Variants in SGPL1 observed in about 807,000 individuals in gnomAD.
SGPL1 encodes sphingosine-1-phosphate lyase 1.
A neutral mutation model predicts 68.9 loss-of-function variants in SGPL1; 37 were observed. That is an observed-to-expected ratio of 0.54 (90% CI 0.41 to 0.71). The LOEUF (loss-of-function observed/expected upper bound fraction) is 0.71. Among genes scored for constraint, SGPL1 ranks in the 30% least tolerant of loss-of-function variants. SGPL1 has a pLI of 0.00. For missense variants in SGPL1, 551 were observed against 704.6 expected, an observed-to-expected ratio of 0.78 and a Z score of 2.47; for synonymous variants, 236 against 248.5, an observed-to-expected ratio of 0.95 and a Z score of 0.47.
intron 12 of SGPL1, among the ~76,000 whole-genome samples, chr10:70,874,735 ATAAATAAAAATAAAAAT>A (rs1327852065): frequency 6.6e-6 from 1 of 152,124 alleles, no homozygotes; most frequent in African/African-American, 2.4e-5. Flanking sequence ...AAAATAAAAA[ATAAATAAAAATAAAAAT>A]TAGCCACATG....
In SGPL1 at chr10:70,816,919, T is replaced by C. The variant is rs758573425; in HGVS notation, c.27+39T>C. 5 of 1,607,392 alleles carry C rather than the reference T, an allele frequency of 3.1e-6. No homozygotes were observed. The Admixed American group carries it at 8.3e-5, about 27-fold the overall frequency. On this transcript the variant is annotated intron_variant, in intron 2 of 14. Transcript: ENST00000373202. ...AGACATCCTCCTGGTTCCAAGGCATTTGTCTCCGTTTTTTTAGTCCAAAGG... is the reference window on the plus strand; with the variant it reads ...AGACATCCTCCTGGTTCCAAGGCATCTGTCTCCGTTTTTTTAGTCCAAAGG...
intron 2 of SGPL1, among the ~76,000 whole-genome samples, chr10:70,817,720 T>G (rs1845261627): frequency 6.6e-6 from 1 of 152,238 alleles, no homozygotes; most frequent in Admixed American, 6.5e-5. Flanking sequence ...ATCTGAGTGT[T>G]TGTCTTCCAG....
chr10:70,866,386 C>CAAAAAAAA, intron 7 of SGPL1: 1 of 145,752 alleles, frequency 6.9e-6, no homozygotes. Flanking sequence ...GACCCCATCT[C>CAAAAAAAA]AAAAAAAAAC....
At chr10:70,822,880 A>G (rs1460142239) in intron 2 of SGPL1, among the ~76,000 whole-genome samples, 3 of 151,780 alleles carry the variant, frequency 2.0e-5, no homozygotes, top group East Asian at 3.9e-4. Context: ...AAGAAACACA[A>G]TTGAACTTAC....
intron 7 of SGPL1, 70 bp from the exon 8 acceptor site, chr10:70,868,275 C>G: frequency 9.5e-7 from 1 of 1,055,076 alleles, no homozygotes; most frequent in Non-Finnish European, 1.4e-6. Flanking sequence ...CAAACATTGT[C>G]AAGATCAGGG....
At chr10:70,844,928 TG>T (rs1845768906) in intron 3 of SGPL1, among the ~76,000 whole-genome samples, 1 of 151,924 alleles carries the variant, frequency 6.6e-6, no homozygotes, top group Non-Finnish European at 1.5e-5. Context: ...TTAGTGGAGA[TG>T]GGGTTTCACC....
intron 2 of SGPL1, among the ~76,000 whole-genome samples, chr10:70,829,461 T>C (rs952511643): frequency 3.3e-5 from 5 of 152,244 alleles, no homozygotes; most frequent in Non-Finnish European, 7.3e-5. Context: ...ATGTTTATCA[T>C]TGGATAATTC....
chr10:70,870,007 C>A, intron 9 of SGPL1, 110 bp downstream of exon 9: 1 of 757,928 alleles, frequency 1.3e-6, no homozygotes, highest in Non-Finnish European at 2.2e-6. Context: ...TTGATTGTGG[C>A]AGCCAGAATA....
intron 1 of SGPL1, among the ~76,000 whole-genome samples, 160 bp downstream of exon 1, chr10:70,816,286 A>G (rs1845226304): frequency 7.1e-6 from 1 of 140,390 alleles, no homozygotes; most frequent in Admixed American, 7.4e-5. Flanking sequence ...CGTGGGCACC[A>G]GCCGCTGAGG....
chr10:70,856,452 C>T (rs995851576), intron 5 of SGPL1, among the ~76,000 whole-genome samples: 7 of 152,206 alleles, frequency 4.6e-5, no homozygotes, highest in Admixed American at 6.5e-5. Flanking sequence ...GACCTGGTTG[C>T]CGCCATCATA....
chr10:70,867,703 T>C (rs1051388746), intron 7 of SGPL1, among the ~76,000 whole-genome samples: 13 of 152,168 alleles, frequency 8.5e-5, no homozygotes, highest in Non-Finnish European at 2.9e-5. Flanking sequence ...AAAAGACCCC[T>C]ACGTCTTTTT....
intron 2 of SGPL1, among the ~76,000 whole-genome samples, chr10:70,832,764 A>G (rs947250394): frequency 3.3e-5 from 5 of 152,192 alleles, no homozygotes; most frequent in Admixed American, 1.3e-4. Flanking sequence ...GCAAATTTGC[A>G]TATTTTTCCC....
At chr10:70,851,255 A>AT in intron 4 of SGPL1, 45 bp downstream of exon 4, 2 of 1,438,896 alleles carry the variant, frequency 1.4e-6, no homozygotes, top group Non-Finnish European at 9.8e-7. Flanking sequence ...CTTGATAATC[A>AT]TACCTCTTTC....
At position 70,877,601 on chromosome 10, in the gene SGPL1, C is replaced by T. The variant is rs1459675047; in HGVS notation, c.*266C>T. 3 of 389,198 alleles carry T rather than the reference C, an allele frequency of 7.7e-6. No individual in the cohort carries two copies. The highest frequency in any genetic ancestry group is 5.8e-5 in the South Asian group (1 of 17,258). The allele number at this position is 389,198 out of a possible 1,614,324, so 24.1% of individuals were successfully genotyped here. A position where few individuals can be genotyped will look rare whatever the true frequency, so the allele number is the denominator to read the frequency against. On this transcript the variant is annotated 3_prime_UTR_variant, in exon 15 of 15. Transcript: ENST00000373202. ...CCCTAGGAATTGTTTTAACCATTTC[C>T]TTTTCTAAACTCTCTAGCTTTCAAC...
rs759390988 is a variant in SGPL1 at position 70,877,448 on chromosome 10, A to G, written c.*113A>G. ...GTCTTGCTCCATAGAGCACAACTCA[A>G]GATAGACCATGAGACAGCTTGAGCC... On this transcript the variant is annotated 3_prime_UTR_variant, in exon 15 of 15. Coordinates refer to ENST00000373202, the MANE Select transcript of SGPL1 (RefSeq NM_003901.4). 5 of 972,556 alleles carry G rather than the reference A, an allele frequency of 5.1e-6. No homozygotes were observed. The highest frequency in any genetic ancestry group is 1.7e-5 in the South Asian group (1 of 59,456). 60.2% of individuals were successfully genotyped at this position (972,556 alleles called of 1,614,324 possible).
chr10:70,842,736 C>T (rs889143446), intron 2 of SGPL1, among the ~76,000 whole-genome samples: 2 of 152,132 alleles, frequency 1.3e-5, no homozygotes, highest in African/African-American at 4.8e-5. Context: ...TCTCCAATGT[C>T]GGGAATCACA....
intron 5 of SGPL1, among the ~76,000 whole-genome samples, chr10:70,855,880 T>C (rs1266680173): frequency 6.6e-6 from 1 of 152,362 alleles, no homozygotes; most frequent in Non-Finnish European, 1.5e-5. Context: ...ACACTACAAA[T>C]TCTATTTCTA....
chr10:70,836,742 T>G (rs1845633094), intron 2 of SGPL1, among the ~76,000 whole-genome samples: 1 of 151,246 alleles, frequency 6.6e-6, no homozygotes, highest in Admixed American at 6.6e-5. Flanking sequence ...TGCCTACTGC[T>G]TTTTTGTTTG....
At chr10:70,835,495 T>G (rs953420579) in intron 2 of SGPL1, among the ~76,000 whole-genome samples, 15 of 151,822 alleles carry the variant, frequency 9.9e-5, no homozygotes, top group Admixed American at 9.8e-4. Context: ...CCCAGCTCTT[T>G]GGGAGGCCGA....
Sources: gnomAD v4.1 joint callset for allele counts (sites outside exome capture counted in the v4.1 genomes callset) on GRCh38, gnomAD v4.1.1 for gene constraint, MANE v1.5 for transcripts, NCBI Gene and HGNC (gene_info 2026-07-23, HGNC 2026-07-21) for gene names.